The following GRIK2 variants were observed in gnomAD, a reference collection of about 807,000 sequenced individuals.
GRIK2 encodes glutamate ionotropic receptor kainate type subunit 2, also known as glutamate receptor ionotropic, kainate 2.
Under a neutral mutation model 100.3 loss-of-function variants are expected in GRIK2, and 32 were observed. That is an observed-to-expected ratio of 0.32 (90% CI 0.24 to 0.43). GRIK2 has a LOEUF of 0.43. GRIK2 is among the 20% of genes least tolerant of loss of function. The pLI is 1.00. For synonymous variants in GRIK2, 417 were observed against 389.4 expected (o/e 1.07, Z -0.83); for missense variants, 843 against 1,114.9 (o/e 0.76, Z 3.47).
intron 2 of GRIK2, among the ~76,000 whole-genome samples, chr6:101,413,463 T>C (rs1660222002): frequency 1.3e-5 from 2 of 152,148 alleles, no homozygotes; most frequent in Admixed American, 6.5e-5. Context: ...AGCATTGGTG[T>C]CTTGTCTGGT....
intron 2 of GRIK2, among the ~76,000 whole-genome samples, chr6:101,446,312 G>T (rs1410981656): frequency 6.6e-6 from 1 of 151,774 alleles, no homozygotes; most frequent in East Asian, 1.9e-4. Context: ...GTGAGTTTAT[G>T]GGTTATTCAC....
chr6:101,858,891 T>C (rs975126354), intron 10 of GRIK2, among the ~76,000 whole-genome samples: 1 of 151,982 alleles, frequency 6.6e-6, no homozygotes, highest in Non-Finnish European at 1.5e-5. Flanking sequence ...GCATACCAGA[T>C]ATTGATTAAA....
At chr6:101,700,987 G>A (rs1353267400) in intron 7 of GRIK2, among the ~76,000 whole-genome samples, 1 of 152,126 alleles carries the variant, frequency 6.6e-6, no homozygotes, top group African/African-American at 2.4e-5. Flanking sequence ...ACCGAAGTGG[G>A]GCTATTGCAA....
At chr6:101,595,696 A>ATGTGTG (rs1331291300) in intron 2 of GRIK2, among the ~76,000 whole-genome samples, 1 of 92,158 alleles carries the variant, frequency 1.1e-5, no homozygotes, top group African/African-American at 4.5e-5. Context: ...ATGTATATAT[A>ATGTGTG]TATGTGTGTG....
chr6:101,429,299 A>G (rs2788284), intron 2 of GRIK2, among the ~76,000 whole-genome samples: 8,642 of 152,306 alleles, frequency 0.057, 402 homozygotes, highest in South Asian at 0.14. Flanking sequence ...GAGAATTTAC[A>G]TAGGACTAGG....
chr6:101,963,426 T>C (rs1792439567), intron 14 of GRIK2, among the ~76,000 whole-genome samples: 1 of 148,790 alleles, frequency 6.7e-6, no homozygotes, highest in African/African-American at 2.4e-5. Context: ...GTCTCCCGAG[T>C]AGCTGGGACT....
At chr6:101,943,735 C>A (rs1791100029) in intron 14 of GRIK2, among the ~76,000 whole-genome samples, 1 of 152,154 alleles carries the variant, frequency 6.6e-6, no homozygotes, top group Non-Finnish European at 1.5e-5. Context: ...AGCATTTACC[C>A]AATGCCTAGA....
chr6:101,774,332 A>G (rs1744501375), intron 7 of GRIK2, among the ~76,000 whole-genome samples: 1 of 152,222 alleles, frequency 6.6e-6, no homozygotes. Flanking sequence ...TCTGAGCTGC[A>G]AATATCAAGA....
intron 2 of GRIK2, among the ~76,000 whole-genome samples, chr6:101,533,855 G>A (rs1205720464): frequency 6.6e-6 from 1 of 151,980 alleles, no homozygotes; most frequent in South Asian, 2.1e-4. Context: ...TGACTATCCA[G>A]GTATGCTGTT....
chr6:101,466,358 T>G (rs577291359), intron 2 of GRIK2, among the ~76,000 whole-genome samples: 1 of 151,594 alleles, frequency 6.6e-6, no homozygotes, highest in East Asian at 1.9e-4. Context: ...TTTGTGACAT[T>G]TTCATAACTT....
chr6:101,731,741 G>A (rs1775285427), intron 7 of GRIK2, among the ~76,000 whole-genome samples: 1 of 151,826 alleles, frequency 6.6e-6, no homozygotes, highest in African/African-American at 2.4e-5. Flanking sequence ...TATGCAAATG[G>A]CATCAAAATA....
intron 4 of GRIK2, among the ~76,000 whole-genome samples, chr6:101,661,912 G>A (rs560852055): frequency 6.6e-6 from 1 of 152,196 alleles, no homozygotes; most frequent in East Asian, 1.9e-4. Context: ...TTCCTATTCG[G>A]CCATCTTCCC....
At chr6:101,521,148 TGAAAG>T (rs1157866681) in intron 2 of GRIK2, among the ~76,000 whole-genome samples, 1 of 152,044 alleles carries the variant, frequency 6.6e-6, no homozygotes, top group Non-Finnish European at 1.5e-5. Context: ...TCTAAAGAAA[TGAAAG>T]CATAAAAATT....
At chr6:101,586,189 G>A (rs1203468167) in intron 2 of GRIK2, among the ~76,000 whole-genome samples, 8 of 151,768 alleles carry the variant, frequency 5.3e-5, no homozygotes, top group Non-Finnish European at 5.9e-5. Context: ...GAACTGAAAC[G>A]CCTGCATAAA....
chr6:101,543,072 A>C (rs1421997420), intron 2 of GRIK2, among the ~76,000 whole-genome samples: 2 of 152,174 alleles, frequency 1.3e-5, no homozygotes, highest in Non-Finnish European at 2.9e-5. Context: ...TTAGGAACAC[A>C]TAAGCTTAAT....
intron 12 of GRIK2, among the ~76,000 whole-genome samples, chr6:101,896,715 C>T (rs1232287865): frequency 6.6e-6 from 1 of 151,650 alleles, no homozygotes; most frequent in East Asian, 1.9e-4. Context: ...AAGACTTCCT[C>T]TTTCTAGTCA....
chr6:101,962,433 G>A (rs1315719251), intron 14 of GRIK2, among the ~76,000 whole-genome samples: 1 of 152,136 alleles, frequency 6.6e-6, no homozygotes, highest in South Asian at 2.1e-4. Flanking sequence ...ATGTATTGAG[G>A]CTTGTTTCAT....
intron 4 of GRIK2, among the ~76,000 whole-genome samples, chr6:101,643,353 C>T (rs1249506280): frequency 6.6e-6 from 1 of 151,198 alleles, no homozygotes; most frequent in Non-Finnish European, 1.5e-5. Flanking sequence ...AGTTTTAGAT[C>T]TTACATTTAG....
At chr6:101,518,481 T>C (rs1774702554) in intron 2 of GRIK2, among the ~76,000 whole-genome samples, 1 of 152,168 alleles carries the variant, frequency 6.6e-6, no homozygotes, top group African/African-American at 2.4e-5. Context: ...ACAAGGTAAG[T>C]GGCTTCCCAT....
Sources: allele counts gnomAD v4.1 joint callset (sites outside exome capture counted in the v4.1 genomes callset), GRCh38; gene constraint gnomAD v4.1.1; transcripts MANE v1.5; gene names NCBI Gene and HGNC (gene_info 2026-07-23, HGNC 2026-07-21).